Variants in ROBO2 observed in about 807,000 individuals in gnomAD.
ROBO2 encodes roundabout guidance receptor 2, also known as roundabout homolog 2.
Under a neutral mutation model 160.8 loss-of-function variants are expected in ROBO2, and 53 were observed. The observed-to-expected ratio is 0.33, with a 90% CI of 0.26 to 0.41. ROBO2 has a LOEUF of 0.41. ROBO2 is among the 10% of genes least tolerant of loss of function. The pLI is 1.00. For missense variants in ROBO2, 1,577 were observed against 1,722.4 expected, an observed-to-expected ratio of 0.92 and a Z score of 1.49; for synonymous variants, 664 against 611.7, an observed-to-expected ratio of 1.09 and a Z score of -1.26.
chr3:76,715,882 C>T (rs541985419), intron 2 of ROBO2, among the ~76,000 whole-genome samples: 1 of 152,234 alleles, frequency 6.6e-6, no homozygotes, highest in South Asian at 2.1e-4. Context: ...TCTTATTCAA[C>T]ATACAACAAA....
chr3:77,463,084 C>T (rs1044340038), intron 2 of ROBO2, among the ~76,000 whole-genome samples: 15 of 152,166 alleles, frequency 9.9e-5, no homozygotes, highest in African/African-American at 3.1e-4. Flanking sequence ...CATGAGGGGA[C>T]CATCTTTCAT....
intron 2 of ROBO2, among the ~76,000 whole-genome samples, chr3:75,993,574 C>T (rs1481383013): frequency 2.0e-5 from 3 of 152,060 alleles, no homozygotes; most frequent in Non-Finnish European, 2.9e-5. Context: ...AGGACTAGTC[C>T]CTTAACTATC....
intron 2 of ROBO2, among the ~76,000 whole-genome samples, chr3:76,427,967 G>A (rs1182584593): frequency 6.6e-6 from 1 of 152,020 alleles, no homozygotes; most frequent in Non-Finnish European, 1.5e-5. Flanking sequence ...GAATTTACAG[G>A]TTTAAAAAAT....
chr3:76,352,929 A>C (rs780145196), intron 2 of ROBO2, among the ~76,000 whole-genome samples: 1 of 152,002 alleles, frequency 6.6e-6, no homozygotes, highest in Non-Finnish European at 1.5e-5. Context: ...GCTTTTGACA[A>C]GAGGTTGCAG....
At chr3:76,789,550 T>C (rs1290488384) in intron 2 of ROBO2, among the ~76,000 whole-genome samples, 2 of 151,584 alleles carry the variant, frequency 1.3e-5, no homozygotes, top group African/African-American at 4.8e-5. Flanking sequence ...CCCCTTCCTA[T>C]TGTACTGCGG....
chr3:76,453,557 C>A (rs554689810), intron 2 of ROBO2, among the ~76,000 whole-genome samples: 1 of 152,046 alleles, frequency 6.6e-6, no homozygotes, highest in Non-Finnish European at 1.5e-5. Context: ...GGTACCAGTA[C>A]CATGCTGTTT....
chr3:77,051,895 A>G (rs1578545018), intron 1 of ROBO2, among the ~76,000 whole-genome samples: 2 of 152,246 alleles, frequency 1.3e-5, no homozygotes, highest in Admixed American at 1.3e-4. Context: ...TTGACACTCA[A>G]CTATACAGCA....
intron 2 of ROBO2, among the ~76,000 whole-genome samples, chr3:75,949,033 A>G (rs1286516710): frequency 1.3e-5 from 2 of 152,140 alleles, no homozygotes; most frequent in East Asian, 3.9e-4. Flanking sequence ...TCTTACACAA[A>G]GATCATATTT....
At chr3:76,395,926 C>T (rs1053314042) in intron 2 of ROBO2, among the ~76,000 whole-genome samples, 2 of 152,022 alleles carry the variant, frequency 1.3e-5, no homozygotes, top group Admixed American at 6.6e-5. Flanking sequence ...CTTCTGAAAC[C>T]ATTCCAATCA....
At chr3:77,418,806 G>A (rs1195977073) in intron 2 of ROBO2, among the ~76,000 whole-genome samples, 1 of 152,108 alleles carries the variant, frequency 6.6e-6, no homozygotes, top group African/African-American at 2.4e-5. Flanking sequence ...GGAGCACCTA[G>A]AAAAAATTGT....
At chr3:77,132,308 G>A (rs1243365000) in intron 2 of ROBO2, among the ~76,000 whole-genome samples, 1 of 152,072 alleles carries the variant, frequency 6.6e-6, no homozygotes. Context: ...TTTGGTGGTT[G>A]TTGACTGATA....
At chr3:77,590,566 T>A (rs1391617500) in intron 17 of ROBO2, among the ~76,000 whole-genome samples, 2 of 152,132 alleles carry the variant, frequency 1.3e-5, no homozygotes, top group Non-Finnish European at 2.9e-5. Flanking sequence ...AAGAACTGAT[T>A]TAATTCATGG....
At chr3:77,165,161 C>G (rs951866906) in intron 2 of ROBO2, among the ~76,000 whole-genome samples, 4 of 151,234 alleles carry the variant, frequency 2.6e-5, no homozygotes, top group African/African-American at 9.7e-5. Flanking sequence ...CGGATGGTTG[C>G]CGTGTCTGTG....
At chr3:75,929,158 G>T (rs530434586) in intron 1 of ROBO2, among the ~76,000 whole-genome samples, 2 of 135,538 alleles carry the variant, frequency 1.5e-5, no homozygotes, top group South Asian at 2.6e-4. Flanking sequence ...CATGAGATCT[G>T]CAGCTGGATA....
chr3:77,038,244 A>G (rs1181290314), upstream of ROBO2, among the ~76,000 whole-genome samples: 1 of 152,202 alleles, frequency 6.6e-6, no homozygotes, highest in Non-Finnish European at 1.5e-5. Context: ...AAGTGATTCA[A>G]CTTTAACAAC....
At chr3:77,324,933 A>G (rs541627680) in intron 2 of ROBO2, among the ~76,000 whole-genome samples, 1 of 152,214 alleles carries the variant, frequency 6.6e-6, no homozygotes, top group Non-Finnish European at 1.5e-5. Context: ...GTGCCACCTT[A>G]GAAGTGATAT....
intron 1 of ROBO2, among the ~76,000 whole-genome samples, chr3:75,910,444 T>C (rs551515947): frequency 1.3e-5 from 2 of 152,300 alleles, no homozygotes; most frequent in Non-Finnish European, 2.9e-5. Flanking sequence ...ACCATGTTCA[T>C]GTAGTTGCTC....
At chr3:77,164,757 A>C (rs9846374) in intron 2 of ROBO2, among the ~76,000 whole-genome samples, 4 of 33,284 alleles carry the variant, frequency 1.2e-4, no homozygotes, top group East Asian at 5.1e-3. Flanking sequence ...CCGGGAGGGA[A>C]GTGGGGGGGT....
At chr3:76,040,900 G>T (rs1045960731) in intron 2 of ROBO2, among the ~76,000 whole-genome samples, 3 of 151,962 alleles carry the variant, frequency 2.0e-5, no homozygotes, top group Non-Finnish European at 4.4e-5. Flanking sequence ...TGAGGCAGGA[G>T]AATTGCTTGA....
Sources: allele counts gnomAD v4.1 joint callset (sites outside exome capture counted in the v4.1 genomes callset), GRCh38; gene constraint gnomAD v4.1.1; transcripts MANE v1.5; gene names NCBI Gene and HGNC (gene_info 2026-07-23, HGNC 2026-07-21).